The following BCL2L13 variants were observed in gnomAD, a reference collection of about 807,000 sequenced individuals.
BCL2L13 encodes BCL2 like 13, also known as bcl-2-like protein 13.
A neutral mutation model predicts 25.8 loss-of-function variants in BCL2L13; 13 were observed. That is an observed-to-expected ratio of 0.50 (90% CI 0.33 to 0.80). The LOEUF (loss-of-function observed/expected upper bound fraction) is 0.80, where lower values mean the gene tolerates loss of function less well. BCL2L13 is among the 30% of genes least tolerant of loss of function. BCL2L13 has a pLI of 0.02. For missense variants in BCL2L13, 504 were observed against 574.9 expected, an observed-to-expected ratio of 0.88 and a Z score of 1.26; for synonymous variants, 244 against 230.3, an observed-to-expected ratio of 1.06 and a Z score of -0.54.
chr22:17,665,117 C>T (rs189643513), intron 2 of BCL2L13, among the ~76,000 whole-genome samples: 2 of 152,264 alleles, frequency 1.3e-5, no homozygotes, highest in Admixed American at 1.3e-4. Context: ...AACTTTTATG[C>T]TTTGCTTCCT....
intron 6 of BCL2L13, among the ~76,000 whole-genome samples, chr22:17,718,724 A>G (rs1278094844): frequency 6.6e-6 from 1 of 152,176 alleles, no homozygotes; most frequent in Non-Finnish European, 1.5e-5. Context: ...AAAAATTATT[A>G]ATTAGCATAG....
At chr22:17,687,205 G>A (rs1017851413) in intron 3 of BCL2L13, among the ~76,000 whole-genome samples, 2 of 152,194 alleles carry the variant, frequency 1.3e-5, no homozygotes, top group Non-Finnish European at 2.9e-5. Context: ...CCTGGTAGCT[G>A]ATGCCTTGCA....
chr22:17,707,475 A>G (rs912166575), intron 6 of BCL2L13, among the ~76,000 whole-genome samples: 3 of 152,138 alleles, frequency 2.0e-5, no homozygotes, highest in African/African-American at 4.8e-5. Context: ...ACAAAATGTC[A>G]GTGGAGCCTT....
intron 2 of BCL2L13, among the ~76,000 whole-genome samples, chr22:17,666,678 C>T (rs1393575016): frequency 2.9e-4 from 35 of 121,342 alleles, no homozygotes; most frequent in South Asian, 7.9e-4. Context: ...GGACCTCATT[C>T]TTTTTTTTTT....
At chr22:17,641,544 AC>A (rs2058283937) in intron 1 of BCL2L13, among the ~76,000 whole-genome samples, 2 of 152,076 alleles carry the variant, frequency 1.3e-5, no homozygotes, top group African/African-American at 4.8e-5. Flanking sequence ...TTTTTTAACA[AC>A]TTTATTGACA....
chr22:17,677,882 A>G (rs929447124), intron 2 of BCL2L13, among the ~76,000 whole-genome samples: 4 of 151,626 alleles, frequency 2.6e-5, no homozygotes, highest in African/African-American at 9.7e-5. Context: ...AAAAAACAAA[A>G]AAACCCCACA....
At chr22:17,716,853 T>C (rs2060960283) in intron 6 of BCL2L13, among the ~76,000 whole-genome samples, 1 of 152,198 alleles carries the variant, frequency 6.6e-6, no homozygotes, top group Non-Finnish European at 1.5e-5. Context: ...GGTGCCATAT[T>C]GTGGGACAGG....
intron 6 of BCL2L13, among the ~76,000 whole-genome samples, chr22:17,711,635 G>A (rs1477319581): frequency 2.0e-5 from 3 of 152,078 alleles, no homozygotes; most frequent in East Asian, 1.9e-4. Context: ...TACTTACTTG[G>A]CTTAGAGCCC....
intron 4 of BCL2L13, among the ~76,000 whole-genome samples, chr22:17,693,947 C>T (rs1342287861): frequency 1.3e-5 from 2 of 151,396 alleles, no homozygotes; most frequent in Admixed American, 6.6e-5. Flanking sequence ...TTAGTAGAGA[C>T]GGGTTTCACC....
intron 4 of BCL2L13, among the ~76,000 whole-genome samples, chr22:17,689,710 G>A (rs1377291157): frequency 6.6e-6 from 1 of 151,944 alleles, no homozygotes; most frequent in African/African-American, 2.4e-5. Flanking sequence ...GGGCATGGTG[G>A]CGCATGCCTC....
At chr22:17,719,852 A>G (rs2061061447) in intron 6 of BCL2L13, among the ~76,000 whole-genome samples, 1 of 150,368 alleles carries the variant, frequency 6.7e-6, no homozygotes, top group Non-Finnish European at 1.5e-5. Flanking sequence ...AAAAAAAAAG[A>G]ATGAAGTATG....
At position 17,629,763 on chromosome 22, in the gene BCL2L13, C is replaced by T. The variant is rs569940348; in HGVS notation, c.-650+758C>T. ...GAATACTGCATTGACCTCCCTTCAC[C>T]TAGATTCAACAATTGTTAACATTTT... On this transcript the variant is annotated intron_variant, in intron 1 of 6. Coordinates refer to the BCL2L13 transcript ENST00000399782. Among the ~76,000 whole-genome samples, 11 of 151,778 alleles carry T rather than the reference C, an allele frequency of 7.2e-5. No individual in the cohort carries two copies. The South Asian group carries it at 1.9e-3, about 26-fold the overall frequency.
chr22:17,700,381 A>G (rs2060398039), intron 5 of BCL2L13, among the ~76,000 whole-genome samples: 1 of 152,238 alleles, frequency 6.6e-6, no homozygotes, highest in Admixed American at 6.5e-5. Flanking sequence ...TATATGAAAG[A>G]GTTAAATTTG....
intron 1 of BCL2L13, among the ~76,000 whole-genome samples, chr22:17,645,044 C>G (rs1027458899): frequency 6.7e-5 from 10 of 150,320 alleles, no homozygotes; most frequent in African/African-American, 2.2e-4. Flanking sequence ...CTCCTAACCT[C>G]GTGATCCACC....
chr22:17,644,024 G>A, intron 1 of BCL2L13, among the ~76,000 whole-genome samples: 1 of 150,976 alleles, frequency 6.6e-6, no homozygotes, highest in East Asian at 1.9e-4. Flanking sequence ...GATTCTCCTG[G>A]CTCAGCCTCC....
chr22:17,720,084 A>G (rs2535679), intron 6 of BCL2L13, among the ~76,000 whole-genome samples: 51,980 of 151,882 alleles, frequency 0.34, 9,729 homozygotes, highest in African/African-American at 0.45. Flanking sequence ...TGGCAATTGT[A>G]ATGTGGTTGC....
chr22:17,647,410 A>C (rs1258934290), intron 1 of BCL2L13, among the ~76,000 whole-genome samples: 1 of 152,056 alleles, frequency 6.6e-6, no homozygotes, highest in African/African-American at 2.4e-5. Flanking sequence ...CCCGCGTCAT[A>C]ATTACCTTTC....
At chr22:17,691,394 C>G (rs2060099472) in intron 4 of BCL2L13, among the ~76,000 whole-genome samples, 1 of 152,180 alleles carries the variant, frequency 6.6e-6, no homozygotes, top group East Asian at 1.9e-4. Flanking sequence ...CGCCTGTAAT[C>G]CCAGCACTTG....
rs748065248 is a variant in BCL2L13, at chr22:17,727,375, C to T, written c.1299C>T (p.Pro433=). The T allele has an allele frequency of 5.8e-5, 93 of 1,614,082 alleles. No homozygotes were observed. Among genetic ancestry groups the T allele is most frequent in the South Asian group, 4.4e-4 (40 of 91,092 alleles). Residue 433 remains proline (P), a synonymous_variant, in exon 7 of 7, where the codon CCC becomes CCT. Coordinates refer to ENST00000317582, the MANE Select transcript of BCL2L13 (RefSeq NM_015367.4). ...EELSPASEKK[P]VPPSEGKSRL... Reference sequence around the variant, plus strand: ...TGTCCCCTGCCAGCGAGAAGAAGCCCGTGCCGCCGTCTGAGGGCAAGTCTA... The same window carrying T: ...TGTCCCCTGCCAGCGAGAAGAAGCCTGTGCCGCCGTCTGAGGGCAAGTCTA...
Sources: allele counts gnomAD v4.1 joint callset (sites outside exome capture counted in the v4.1 genomes callset), GRCh38; gene constraint gnomAD v4.1.1; transcripts MANE v1.5; gene names NCBI Gene and HGNC (gene_info 2026-07-23, HGNC 2026-07-21).